The following YEATS4 variants were observed in gnomAD, a reference collection of about 807,000 sequenced individuals.
YEATS4 encodes YEATS domain-containing protein 4.
A neutral mutation model predicts 30.1 loss-of-function variants in YEATS4; 17 were observed. That is an observed-to-expected ratio of 0.56 (90% CI 0.39 to 0.85). YEATS4 has a LOEUF of 0.85. Ranked by LOEUF, YEATS4 falls within the 40% of genes least tolerant of loss-of-function variation. The pLI is 0.00. For missense variants in YEATS4, 142 were observed against 268.3 expected, an observed-to-expected ratio of 0.53 and a Z score of 3.29; for synonymous variants, 85 against 87.5, an observed-to-expected ratio of 0.97 and a Z score of 0.16.
chr12:69,360,168 A>G lies in YEATS4; in HGVS notation c.51+145A>G, dbSNP rs964779062. On this transcript the variant is annotated intron_variant, in intron 1 of 6. Transcript: ENST00000247843. Reference sequence around the variant, plus strand: ...GGTTTCAGGTTGGAGAGCGAGTCAGAGCCATTGAGCGAAAAACCGGCGTTC... The same window carrying G: ...GGTTTCAGGTTGGAGAGCGAGTCAGGGCCATTGAGCGAAAAACCGGCGTTC... 11 of 907,636 alleles carry G rather than the reference A, an allele frequency of 1.2e-5. No individual in the cohort carries two copies. The East Asian group carries it at 3.5e-4, about 29-fold the overall frequency. 56.2% of individuals were successfully genotyped at this position (907,636 alleles called of 1,614,324 possible). A position where few individuals can be genotyped will look rare whatever the true frequency, so the allele number is the denominator to read the frequency against.
At chr12:69,388,517 A>G (rs1868279923) in intron 6 of YEATS4, among the ~76,000 whole-genome samples, 1 of 152,214 alleles carries the variant, frequency 6.6e-6, no homozygotes, top group South Asian at 2.1e-4. Flanking sequence ...TAGTGAAAGT[A>G]AGTATAAGTG....
the YEATS4 span, among the ~76,000 whole-genome samples, chr12:69,415,440 T>G: frequency 6.6e-6 from 1 of 151,944 alleles, no homozygotes; most frequent in Non-Finnish European, 1.5e-5. Flanking sequence ...CCGAGTATGG[T>G]GGTGGGCACT....
the YEATS4 span, among the ~76,000 whole-genome samples, chr12:69,404,738 G>A: frequency 1.3e-5 from 2 of 152,200 alleles, no homozygotes; most frequent in East Asian, 3.8e-4. Flanking sequence ...ATAGTAGATA[G>A]GATCTCTCCA....
At chr12:69,386,496 C>T (rs1868252241) in intron 6 of YEATS4, among the ~76,000 whole-genome samples, 1 of 152,160 alleles carries the variant, frequency 6.6e-6, no homozygotes, top group Non-Finnish European at 1.5e-5. Context: ...TAAAACTCAC[C>T]CTTTCTACTT....
intron 6 of YEATS4, among the ~76,000 whole-genome samples, chr12:69,374,583 G>C (rs932545261): frequency 6.6e-6 from 1 of 152,000 alleles, no homozygotes. Context: ...GTGTCCCTGG[G>C]TACTTGAGAT....
the YEATS4 span, among the ~76,000 whole-genome samples, chr12:69,425,802 T>G: frequency 6.6e-6 from 1 of 152,190 alleles, no homozygotes; most frequent in East Asian, 1.9e-4. Flanking sequence ...CATAATTACA[T>G]ACAGCCCAAC....
chr12:69,379,394 ACT>A (rs1293889658), intron 6 of YEATS4, among the ~76,000 whole-genome samples: 18 of 151,468 alleles, frequency 1.2e-4, no homozygotes, highest in African/African-American at 4.4e-4. Context: ...AAGGTCAATA[ACT>A]CTTAGATTCT....
the YEATS4 span, among the ~76,000 whole-genome samples, chr12:69,403,345 G>A: frequency 6.6e-6 from 1 of 152,254 alleles, no homozygotes; most frequent in African/African-American, 2.4e-5. Context: ...GGGAGACCTA[G>A]GCAGGCAGAT....
chr12:69,418,757 T>C, the YEATS4 span, among the ~76,000 whole-genome samples: 4 of 152,050 alleles, frequency 2.6e-5, no homozygotes, highest in Admixed American at 6.5e-5. Context: ...TCAACTTTGC[T>C]ACCTTCATCA....
At chr12:69,383,383 A>G (rs879159806) in intron 6 of YEATS4, among the ~76,000 whole-genome samples, 1 of 152,200 alleles carries the variant, frequency 6.6e-6, no homozygotes, top group Admixed American at 6.5e-5. Context: ...TGTAGGCTGG[A>G]GACATAAATT....
At chr12:69,398,705 C>T in the YEATS4 span, among the ~76,000 whole-genome samples, 1 of 151,396 alleles carries the variant, frequency 6.6e-6, no homozygotes, top group Non-Finnish European at 1.5e-5. Flanking sequence ...GTCCCAGCTA[C>T]TTGGGAGGCT....
At position 69,371,029 on chromosome 12, in the gene YEATS4, A is replaced by T; in HGVS notation, c.514+54A>T. On this transcript the variant is annotated intron_variant, in intron 6 of 6. Coordinates refer to ENST00000247843, the MANE Select transcript of YEATS4 (RefSeq NM_006530.4). ...AAATAACGTATTCTGTAATAGTGAA[A>T]GGGTTGTATGATTCGTGCCTTTTAC... 3 of 1,541,994 alleles carry T rather than the reference A, an allele frequency of 1.9e-6. No homozygotes were observed. The South Asian group carries it at 3.6e-5, about 18-fold the overall frequency.
At chr12:69,372,721 A>G (rs1458838875) in intron 6 of YEATS4, among the ~76,000 whole-genome samples, 1 of 151,846 alleles carries the variant, frequency 6.6e-6, no homozygotes, top group Non-Finnish European at 1.5e-5. Context: ...TATTTTTAGT[A>G]GAGACAGGGT....
the YEATS4 span, among the ~76,000 whole-genome samples, chr12:69,419,234 T>TTTTTTTTTTTTTG: frequency 1.9e-4 from 28 of 145,924 alleles, no homozygotes; most frequent in Non-Finnish European, 3.6e-4. Context: ...TTTTTTTTTT[T>TTTTTTTTTTTTTG]TTTAGAGACA....
At chr12:69,413,139 T>G in the YEATS4 span, among the ~76,000 whole-genome samples, 530 of 152,220 alleles carry the variant, frequency 3.5e-3, no homozygotes, top group Non-Finnish European at 5.6e-3. Flanking sequence ...ATTGGCTGGG[T>G]GTAGGGCTCA....
At chr12:69,397,946 A>G in the YEATS4 span, among the ~76,000 whole-genome samples, 1 of 152,212 alleles carries the variant, frequency 6.6e-6, no homozygotes, top group East Asian at 1.9e-4. Flanking sequence ...CATATAGACT[A>G]TATTAATAGA....
intron 6 of YEATS4, among the ~76,000 whole-genome samples, chr12:69,382,061 T>C (rs1390771759): frequency 6.7e-6 from 1 of 149,598 alleles, no homozygotes. Context: ...AATTTAGTTA[T>C]GTCCAATGAT....
At chr12:69,387,781 A>C (rs948096289) in intron 6 of YEATS4, among the ~76,000 whole-genome samples, 2 of 152,238 alleles carry the variant, frequency 1.3e-5, no homozygotes, top group Non-Finnish European at 2.9e-5. Flanking sequence ...ATCAGAGAAC[A>C]CAACAGTGAT....
At chr12:69,423,935 T>C in the YEATS4 span, among the ~76,000 whole-genome samples, 12 of 152,292 alleles carry the variant, frequency 7.9e-5, 1 homozygote, top group Middle Eastern at 0.01. Context: ...GAAAGAGTTA[T>C]TTGGTAACAG....
Sources: gnomAD v4.1 joint callset for allele counts (sites outside exome capture counted in the v4.1 genomes callset) on GRCh38, gnomAD v4.1.1 for gene constraint, MANE v1.5 for transcripts, NCBI Gene and HGNC (gene_info 2026-07-23, HGNC 2026-07-21) for gene names.